The following CD247 variants were observed in gnomAD, a reference collection of about 807,000 sequenced individuals.
CD247 encodes CD247 molecule.
A neutral mutation model predicts 30.0 loss-of-function variants in CD247; 13 were observed. The ratio of observed to expected loss-of-function variants is 0.43; its 90% confidence interval spans 0.28 to 0.69. The LOEUF (loss-of-function observed/expected upper bound fraction) is 0.69, where lower values mean the gene tolerates loss of function less well. Among genes scored for constraint, CD247 ranks in the 30% least tolerant of loss-of-function variants. The pLI is 0.16. For synonymous variants in CD247, 72 were observed against 80.0 expected (o/e 0.90, Z 0.53); for missense variants, 193 against 212.6 (o/e 0.91, Z 0.57).
At chr1:167,432,743 G>A (rs746152133) in intron 7 of CD247, among the ~76,000 whole-genome samples, 3 of 152,210 alleles carry the variant, frequency 2.0e-5, no homozygotes, top group East Asian at 1.9e-4. Context: ...CATCTGCATC[G>A]GCGGGGAGGC....
At chr1:167,480,629 A>C (rs565032251) in intron 1 of CD247, among the ~76,000 whole-genome samples, 2 of 152,220 alleles carry the variant, frequency 1.3e-5, no homozygotes, top group South Asian at 4.1e-4. Flanking sequence ...GAAAATAGGG[A>C]CATAGTTTGG....
At chr1:167,445,857 CGGG>C (rs1652054240) in intron 1 of CD247, among the ~76,000 whole-genome samples, 1 of 152,136 alleles carries the variant, frequency 6.6e-6, no homozygotes, top group Non-Finnish European at 1.5e-5. Flanking sequence ...TGGGCATCTG[CGGG>C]ACTTACTCAC....
At chr1:167,434,675 TGCCTA>T in intron 5 of CD247, 1 of 414,726 alleles carries the variant, frequency 2.4e-6, no homozygotes. Flanking sequence ...ACCTCGTCCT[TGCCTA>T]GCTTGACCTT....
intron 1 of CD247, among the ~76,000 whole-genome samples, chr1:167,451,890 TG>T (rs34916011): frequency 0.011 from 1,644 of 152,266 alleles, 25 homozygotes; most frequent in African/African-American, 0.038. Flanking sequence ...GTAGATAACC[TG>T]AGGTCAGGAG....
At chr1:167,463,475 G>A (rs1165468053) in intron 1 of CD247, among the ~76,000 whole-genome samples, 1 of 152,176 alleles carries the variant, frequency 6.6e-6, no homozygotes. Context: ...GGAGAGGGAG[G>A]CTAACACACA....
Position 167,518,025 on chromosome 1 carries a change from C to T in CD247, c.58+383G>A, listed in dbSNP as rs34891834. Among the ~76,000 whole-genome samples the T allele has an allele frequency of 1.3e-3, 195 of 152,280 alleles. 6 individuals carry two copies. The highest frequency in any genetic ancestry group is 0.012 in the Admixed American group (181 of 15,302). ...AAAGAAGCTGAAGGGACTAGAACGTCGCAGCACGAAACATGGCCTGGCTGA... is the reference window on the plus strand; with the variant it reads ...AAAGAAGCTGAAGGGACTAGAACGTTGCAGCACGAAACATGGCCTGGCTGA... On this transcript the variant is annotated intron_variant, in intron 1 of 7. Coordinates refer to ENST00000362089, the MANE Select transcript of CD247 (RefSeq NM_198053.3).
intron 1 of CD247, among the ~76,000 whole-genome samples, chr1:167,512,572 A>G (rs950660426): frequency 6.1e-4 from 93 of 152,242 alleles, no homozygotes; most frequent in African/African-American, 2.0e-3. Context: ...ATACACTGCA[A>G]TGTAATGACA....
At position 167,438,609 on chromosome 1, in the gene CD247, G is replaced by A. The variant is rs1296943739; in HGVS notation, c.261C>T (p.Asp87=). 6.2e-7 allele frequency: 1 copy of A among 1,614,068 alleles called. No homozygotes were observed. Among genetic ancestry groups the A allele is most frequent in the Admixed American group, 1.7e-5 (1 of 60,018 alleles). The part of the protein sequence containing the change: ...LGRREEYDVL[D]KRRGRDPEMG... ...TCTCAGGGTCCCGGCCACGTCTCTT[G>A]TCCAAAACATCGTACTCCTCTCTTC... is the stretch of plus-strand genomic sequence containing the variant. Residue 87 remains aspartate (D), a synonymous_variant, in exon 4 of 8, where the codon GAC becomes GAT. Transcript: ENST00000362089.
intron 1 of CD247, among the ~76,000 whole-genome samples, chr1:167,501,627 G>C (rs1227693845): frequency 6.6e-6 from 1 of 152,236 alleles, no homozygotes; most frequent in African/African-American, 2.4e-5. Flanking sequence ...CTCTTTCAAG[G>C]AGAACGTATT....
At chr1:167,515,992 C>T (rs1414059545) in intron 1 of CD247, among the ~76,000 whole-genome samples, 1 of 152,128 alleles carries the variant, frequency 6.6e-6, no homozygotes, top group Middle Eastern at 3.2e-3. Context: ...AAACTGAGGC[C>T]CAGAGAGGTT....
At chr1:167,446,252 G>A (rs1024597261) in intron 1 of CD247, among the ~76,000 whole-genome samples, 2 of 152,012 alleles carry the variant, frequency 1.3e-5, no homozygotes, top group African/African-American at 4.8e-5. Context: ...CTTCAAGTCC[G>A]CCCCCCACCA....
chr1:167,517,093 G>A (rs958771621), intron 1 of CD247, among the ~76,000 whole-genome samples: 1 of 152,226 alleles, frequency 6.6e-6, no homozygotes, highest in South Asian at 2.1e-4. Flanking sequence ...CAGCACACAA[G>A]GATGGGCTGC....
intron 1 of CD247, among the ~76,000 whole-genome samples, chr1:167,446,989 C>T (rs1048235701): frequency 2.0e-5 from 3 of 151,726 alleles, no homozygotes; most frequent in African/African-American, 4.8e-5. Flanking sequence ...AGTGGGACTC[C>T]GTCTCAAAAA....
chr1:167,474,348 G>T (rs986803324), intron 1 of CD247, among the ~76,000 whole-genome samples: 2 of 152,044 alleles, frequency 1.3e-5, no homozygotes, highest in Non-Finnish European at 2.9e-5. Context: ...ACACCTGCTT[G>T]GGTAGGGGTG....
intron 1 of CD247, among the ~76,000 whole-genome samples, chr1:167,452,865 T>A (rs1484037345): frequency 6.6e-6 from 1 of 151,762 alleles, no homozygotes; most frequent in Admixed American, 6.6e-5. Flanking sequence ...ACTTGCTATA[T>A]GCCAGGCACA....
chr1:167,505,426 T>C (rs993481533), intron 1 of CD247, among the ~76,000 whole-genome samples: 1 of 152,236 alleles, frequency 6.6e-6, no homozygotes, highest in African/African-American at 2.4e-5. Context: ...TTTACTTGTA[T>C]GTGTTTGCAT....
In CD247 at chr1:167,433,498, G is replaced by A. The variant is rs529788422; in HGVS notation, c.394-439C>T. 8.7e-4 allele frequency among the ~76,000 whole-genome samples: 133 copies of A among 152,314 alleles called. No individual in the cohort carries two copies. The Middle Eastern group carries it at 0.01, about 12-fold the overall frequency. On this transcript the variant is annotated intron_variant, in intron 6 of 7. Transcript: ENST00000362089. ...TTACCAGCTAGAAGACCTTGGGTAAGTCACTCAACCTCCTTGTGCCTTGCA... is the reference window on the plus strand; with the variant it reads ...TTACCAGCTAGAAGACCTTGGGTAAATCACTCAACCTCCTTGTGCCTTGCA...
intron 1 of CD247, among the ~76,000 whole-genome samples, chr1:167,473,544 A>T (rs1448858540): frequency 6.6e-6 from 1 of 152,164 alleles, no homozygotes; most frequent in Non-Finnish European, 1.5e-5. Context: ...CCCATTAGAA[A>T]AAAAAATGGG....
chr1:167,507,398 A>C (rs761232519), intron 1 of CD247, among the ~76,000 whole-genome samples: 1 of 152,188 alleles, frequency 6.6e-6, no homozygotes, highest in Non-Finnish European at 1.5e-5. Flanking sequence ...CCAGCAACTC[A>C]ATACTGTCTT....
Sources: gnomAD v4.1 joint callset for allele counts (sites outside exome capture counted in the v4.1 genomes callset) on GRCh38, gnomAD v4.1.1 for gene constraint, MANE v1.5 for transcripts, NCBI Gene and HGNC (gene_info 2026-07-23, HGNC 2026-07-21) for gene names.